The following PSMA5 variants were observed in gnomAD, a reference collection of about 807,000 sequenced individuals.
The protein encoded by PSMA5 is proteasome subunit alpha type-5.
PSMA5 carries 3 observed loss-of-function variants against 34.5 expected under a neutral mutation model. The observed-to-expected ratio is 0.09, with a 90% CI of 0.04 to 0.22. PSMA5 has a LOEUF of 0.22. PSMA5 is among the 10% of genes least tolerant of loss of function. The pLI, the probability that PSMA5 is intolerant of heterozygous loss-of-function variation, is 1.00. For synonymous variants in PSMA5, 88 were observed against 95.8 expected (o/e 0.92, Z 0.47); for missense variants, 120 against 286.1 (o/e 0.42, Z 4.19).
chr1:109,412,403 G>T, intron 4 of PSMA5: 1 of 469,180 alleles, frequency 2.1e-6, no homozygotes, highest in Non-Finnish European at 3.8e-6. Context: ...CGACGGACAA[G>T]AGAATTACTG....
chr1:109,403,410 G>A (rs1653613848), intron 8 of PSMA5, among the ~76,000 whole-genome samples: 1 of 151,694 alleles, frequency 6.6e-6, no homozygotes, highest in Non-Finnish European at 1.5e-5. Flanking sequence ...GATCACTTGA[G>A]CCCGAGAGTC....
Position 109,426,039 on chromosome 1 carries a change from C to A in PSMA5, c.29+263G>T, listed in dbSNP as rs1654643404. 3.5e-6 allele frequency: 2 copies of A among 571,528 alleles called. 1 individual carries two copies. The highest frequency in any genetic ancestry group is 4.4e-5 in the South Asian group (2 of 45,380). 35.4% of individuals were successfully genotyped at this position (571,528 alleles called of 1,614,324 possible). On this transcript the variant is annotated intron_variant, in intron 1 of 8. Coordinates refer to ENST00000271308, the MANE Select transcript of PSMA5 (RefSeq NM_002790.4). ...AAGGTAGGAGTTCCGGCTCCTCACG[C>A]CTTCTTTACCAAGCACCAGCCGGAG...
chr1:109,412,168 T>A lies in PSMA5; in HGVS notation c.308A>T (p.Tyr103Phe). ...RVETQNHWFT[Y>F]NETMTVESVT... ...ACTCTCCACTGTCATTGTCTCATTGTAGGTGAACCAGTGGTTCTAGAAGAA... is the reference window on the plus strand; with the variant it reads ...ACTCTCCACTGTCATTGTCTCATTGAAGGTGAACCAGTGGTTCTAGAAGAA... Residue 103 changes from tyrosine to phenylalanine, a missense_variant, in exon 5 of 9, where the codon TAC (tyrosine) becomes TTC (phenylalanine). Coordinates refer to ENST00000271308, the MANE Select transcript of PSMA5 (RefSeq NM_002790.4). 6.2e-7 allele frequency: 1 copy of A among 1,613,944 alleles called. No homozygotes were observed. Among genetic ancestry groups the A allele is most frequent in the South Asian group, 1.1e-5 (1 of 91,080 alleles).
intron 8 of PSMA5, among the ~76,000 whole-genome samples, chr1:109,402,609 C>A (rs1653577072): frequency 6.6e-6 from 1 of 152,158 alleles, no homozygotes; most frequent in African/African-American, 2.4e-5. Flanking sequence ...AGTGCTTAGA[C>A]CATTATTGCC....
intron 3 of PSMA5, among the ~76,000 whole-genome samples, chr1:109,413,484 A>G (rs112425243): frequency 4.3e-4 from 65 of 152,338 alleles, no homozygotes; most frequent in African/African-American, 1.4e-3. Flanking sequence ...CTAATGCCCC[A>G]ACCTGGGAAA....
intron 2 of PSMA5, among the ~76,000 whole-genome samples, chr1:109,417,629 G>T (rs574171461): frequency 2.0e-5 from 3 of 152,194 alleles, no homozygotes; most frequent in African/African-American, 7.2e-5. Context: ...CTGAAAACGG[G>T]ATAAATATGT....
Position 109,415,294 on chromosome 1 carries a change from A to T in PSMA5, c.166T>A (p.Ser56Thr). The T allele has an allele frequency of 6.2e-7, 1 of 1,614,022 alleles. No individual in the cohort carries two copies. Among genetic ancestry groups the T allele is most frequent in the Non-Finnish European group, 8.5e-7 (1 of 1,179,944 alleles). The change falls in exon 3 of 9, where the codon TCC (serine) becomes ACC (threonine). Residue 56 changes from serine to threonine, a missense_variant. This residue lies in a region of PSMA5 where 20 missense variants were observed against 19.4 expected (regional missense o/e 1.03). Transcript: ENST00000271308. The part of the protein sequence containing the change: ...VCLAVEKRIT[S>T]PLMEPSSIEK... ...ATGCTGCTGGGCTCCATCAGTGGGG[A>T]AGTAATTCTCTTCTCCACAGCTAGG...
At chr1:109,408,714 G>A (rs909673614) in intron 8 of PSMA5, among the ~76,000 whole-genome samples, 12 of 150,052 alleles carry the variant, frequency 8.0e-5, no homozygotes, top group African/African-American at 2.5e-4. Context: ...TTTTCGGGAC[G>A]GAGTCTCGTT....
intron 2 of PSMA5, among the ~76,000 whole-genome samples, chr1:109,418,780 G>A (rs969628960): frequency 6.6e-5 from 10 of 152,232 alleles, no homozygotes; most frequent in Non-Finnish European, 8.8e-5. Flanking sequence ...GAAAATTGTT[G>A]AAGAAAAACA....
intron 2 of PSMA5, 25 bp from the exon 3 acceptor site, chr1:109,415,388 C>T (rs926601298): frequency 2.5e-6 from 4 of 1,603,374 alleles, no homozygotes; most frequent in African/African-American, 1.3e-5. Context: ...GTTATGATTA[C>T]CATATATAGG....
chr1:109,416,563 A>G (rs1482830439), intron 2 of PSMA5, among the ~76,000 whole-genome samples: 3 of 152,256 alleles, frequency 2.0e-5, no homozygotes, highest in Non-Finnish European at 2.9e-5. Flanking sequence ...CAAAGTAATC[A>G]CTGCCAAGTG....
intron 8 of PSMA5, among the ~76,000 whole-genome samples, chr1:109,407,881 G>A (rs954952419): frequency 1.3e-5 from 2 of 152,100 alleles, no homozygotes; most frequent in Non-Finnish European, 2.9e-5. Flanking sequence ...CTGGCCTCAC[G>A]TGATCTTCCT....
At position 109,426,350 on chromosome 1, in the gene PSMA5, A is replaced by G; in HGVS notation, c.-20T>C. On this transcript the variant is annotated 5_prime_UTR_variant, in exon 1 of 9. Coordinates refer to ENST00000271308, the MANE Select transcript of PSMA5 (RefSeq NM_002790.4). The stretch of plus-strand genomic sequence containing the variant: ...AAACATGGCGAGGGTAGGAGGAGGC[A>G]GCGGCTACGCGGGGATTCTGAGGAC... 1 of 1,606,800 alleles carries G rather than the reference A, an allele frequency of 6.2e-7. No homozygotes were observed. Among genetic ancestry groups the G allele is most frequent in the Non-Finnish European group, 8.5e-7 (1 of 1,176,294 alleles).
In PSMA5 at chr1:109,411,950, T is replaced by TA. The variant is rs1394607840; in HGVS notation, c.400-16dup. 12 of 1,604,746 alleles carry TA rather than the reference T, an allele frequency of 7.5e-6. No homozygotes were observed. The highest frequency in any genetic ancestry group is 1.0e-5 in the Non-Finnish European group (12 of 1,171,740). On this transcript the variant is annotated splice_polypyrimidine_tract_variant and intron_variant, in intron 5 of 8. Coordinates refer to ENST00000271308, the MANE Select transcript of PSMA5 (RefSeq NM_002790.4). The stretch of plus-strand genomic sequence containing the variant: ...AAGGGACGAGACTAGAACCAAAAAA[T>TA]AAGAGATATTAAGATAAATGGCTAT...
chr1:109,421,797 G>T, intron 2 of PSMA5, 63 bp downstream of exon 2: 1 of 1,322,884 alleles, frequency 7.6e-7, no homozygotes, highest in Non-Finnish European at 1.1e-6. Flanking sequence ...TACTCCAAGT[G>T]TTCTGCCAGC....
At chr1:109,419,972 C>CA (rs1159333248) in intron 2 of PSMA5, among the ~76,000 whole-genome samples, 3,417 of 61,710 alleles carry the variant, frequency 0.055, 114 homozygotes, top group African/African-American at 0.14. Flanking sequence ...GACTCTGTCT[C>CA]AAAAAAAAAA....
rs775150092 is a variant in PSMA5 at position 109,415,277 on chromosome 1, G to T, written c.183C>A (p.Pro61=). ...TCTCTACAATTTTCTCAATGCTGCT[G>T]GGCTCCATCAGTGGGGAAGTAATTC... The part of the protein sequence containing the change: ...EKRITSPLME[P]SSIEKIVEID... Residue 61 remains proline, a synonymous_variant, in exon 3 of 9, where the codon CCC becomes CCA. Transcript: ENST00000271308. 28 of 1,613,746 alleles carry T rather than the reference G, an allele frequency of 1.7e-5. No individual in the cohort carries two copies. In the Admixed American group the frequency reaches 4.5e-4, roughly 26 times the overall value.
chr1:109,411,845 A>T, intron 6 of PSMA5, 32 bp downstream of exon 6: 1 of 1,574,458 alleles, frequency 6.4e-7, no homozygotes, highest in Admixed American at 1.7e-5. Flanking sequence ...TCCCTGCAAA[A>T]GCATGGGGGA....
At chr1:109,412,867 C>A in intron 4 of PSMA5, 2 of 540,260 alleles carry the variant, frequency 3.7e-6, no homozygotes, top group East Asian at 3.0e-5. Context: ...CACTACTGAC[C>A]AGAGCCTCTT....
Sources: gnomAD v4.1 joint callset for allele counts (sites outside exome capture counted in the v4.1 genomes callset) on GRCh38, gnomAD v4.1.1 for gene constraint, gnomAD v4.1.1 regional missense constraint, MANE v1.5 for transcripts, NCBI Gene and HGNC (gene_info 2026-07-23, HGNC 2026-07-21) for gene names.